The following FUT8 variants were observed in gnomAD, a reference collection of about 807,000 sequenced individuals.
FUT8 encodes alpha-(1,6)-fucosyltransferase.
A neutral mutation model predicts 71.3 loss-of-function variants in FUT8; 29 were observed. The ratio of observed to expected loss-of-function variants is 0.41; its 90% CI spans 0.30 to 0.55. The LOEUF (loss-of-function observed/expected upper bound fraction) is 0.55. Among genes scored for constraint, FUT8 ranks in the 20% least tolerant of loss-of-function variants. The probability of loss-of-function intolerance (pLI) is 0.34; values close to 1 mark genes in which losing one functional copy is unlikely to be tolerated. For missense variants in FUT8, 544 were observed against 702.1 expected (o/e 0.77, Z 2.55); for synonymous variants, 254 against 239.3 (o/e 1.06, Z -0.57).
intron 3 of FUT8, among the ~76,000 whole-genome samples, chr14:65,579,677 T>G (rs1886970626): frequency 6.6e-6 from 1 of 152,152 alleles, no homozygotes; most frequent in Admixed American, 6.5e-5. Flanking sequence ...TAATGCCATA[T>G]GGAGTAGAAA....
intron 2 of FUT8, among the ~76,000 whole-genome samples, chr14:65,515,087 C>T (rs1310003486): frequency 6.6e-6 from 1 of 152,122 alleles, no homozygotes; most frequent in East Asian, 1.9e-4. Flanking sequence ...ATCAGTAATA[C>T]ACACTTTATG....
At chr14:65,456,506 A>T (rs571885211) in intron 2 of FUT8, among the ~76,000 whole-genome samples, 1 of 152,294 alleles carries the variant, frequency 6.6e-6, no homozygotes, top group African/African-American at 2.4e-5. Context: ...GTTTATGGAT[A>T]TTTAGGCTGT....
At chr14:65,706,184 C>T (rs911954831) in intron 7 of FUT8, among the ~76,000 whole-genome samples, 3 of 152,082 alleles carry the variant, frequency 2.0e-5, no homozygotes, top group African/African-American at 7.2e-5. Flanking sequence ...ATGCCATTTT[C>T]CAGATGAAGA....
intron 2 of FUT8, among the ~76,000 whole-genome samples, chr14:65,559,523 A>T (rs754758310): frequency 5.3e-5 from 8 of 152,166 alleles, no homozygotes; most frequent in Non-Finnish European, 8.8e-5. Context: ...CTGAGAGACA[A>T]CTGTATATCT....
the FUT8 span, among the ~76,000 whole-genome samples, chr14:65,375,746 G>C: frequency 1.3e-5 from 2 of 152,224 alleles, no homozygotes; most frequent in Non-Finnish European, 2.9e-5. Flanking sequence ...ACTGATGTTT[G>C]TCAGACATTG....
At chr14:65,480,958 A>G (rs2066321523) in intron 2 of FUT8, among the ~76,000 whole-genome samples, 1 of 152,102 alleles carries the variant, frequency 6.6e-6, no homozygotes, top group South Asian at 2.1e-4. Context: ...CCAAAGTGCT[A>G]GAATTATAGG....
intron 2 of FUT8, among the ~76,000 whole-genome samples, chr14:65,502,864 A>G (rs928200522): frequency 5.9e-5 from 9 of 152,168 alleles, no homozygotes; most frequent in Non-Finnish European, 1.0e-4. Context: ...TTCTGATTCA[A>G]TATGTCCCTG....
chr14:65,477,662 G>A (rs2066266794), intron 2 of FUT8, among the ~76,000 whole-genome samples: 1 of 152,070 alleles, frequency 6.6e-6, no homozygotes, highest in South Asian at 2.1e-4. Context: ...TAGTACAGAG[G>A]AAATAAGCTG....
the FUT8 span, among the ~76,000 whole-genome samples, chr14:65,377,554 A>G: frequency 1.3e-5 from 2 of 152,208 alleles, no homozygotes; most frequent in African/African-American, 4.8e-5. Flanking sequence ...GTCACCATCC[A>G]CAGACATTGG....
At chr14:65,714,724 C>A (rs1040656780) in intron 7 of FUT8, among the ~76,000 whole-genome samples, 1 of 151,950 alleles carries the variant, frequency 6.6e-6, no homozygotes, top group Non-Finnish European at 1.5e-5. Flanking sequence ...ACATGGAATA[C>A]CTTTCCTTTT....
At chr14:65,553,644 C>G (rs1436929617) in intron 2 of FUT8, among the ~76,000 whole-genome samples, 2 of 150,596 alleles carry the variant, frequency 1.3e-5, no homozygotes, top group Non-Finnish European at 3.0e-5. Flanking sequence ...TTGATTTTGC[C>G]TTTATTTGCC....
chr14:65,661,808 CT>C (rs1226109999), intron 6 of FUT8, among the ~76,000 whole-genome samples: 3 of 152,052 alleles, frequency 2.0e-5, no homozygotes, highest in African/African-American at 4.8e-5. Flanking sequence ...GAAAATTGTT[CT>C]TTTTTTGCAA....
intron 2 of FUT8, among the ~76,000 whole-genome samples, chr14:65,498,996 A>G (rs1185861015): frequency 1.3e-5 from 2 of 152,206 alleles, no homozygotes; most frequent in African/African-American, 4.8e-5. Flanking sequence ...TGTAGGGATG[A>G]ATTAAGGAGG....
intron 2 of FUT8, among the ~76,000 whole-genome samples, chr14:65,519,091 G>A (rs1229336557): frequency 1.3e-5 from 2 of 152,170 alleles, no homozygotes; most frequent in Admixed American, 6.6e-5. Context: ...TGAATGGCAT[G>A]TAATAGGCGC....
At chr14:65,731,246 G>A (rs2139382203) in intron 9 of FUT8, among the ~76,000 whole-genome samples, 1 of 152,340 alleles carries the variant, frequency 6.6e-6, no homozygotes, top group East Asian at 1.9e-4. Flanking sequence ...GTCTCCTGAA[G>A]GAGTTTATGT....
In FUT8 at chr14:65,574,026, G is replaced by T. The variant is rs1259302585; in HGVS notation, c.203+12260G>T. On this transcript the variant is annotated intron_variant, in intron 3 of 10. Coordinates refer to ENST00000673929, the MANE Select transcript of FUT8 (RefSeq NM_001371533.1). The surrounding 1 kb of genome is among the most constrained non-coding windows in gnomAD (Gnocchi z 5.2). ...CACAAAGGTACAAAAGGTGTTGACT[G>T]GGTCTGCAGTTTATTTCAAGGCTCA... Among the ~76,000 whole-genome samples, 1 of 152,118 alleles carries T rather than the reference G, an allele frequency of 6.6e-6. No homozygotes were observed. Among genetic ancestry groups the T allele is most frequent in the East Asian group, 1.9e-4 (1 of 5,196 alleles).
At chr14:65,440,744 C>T (rs1162018826) in intron 1 of FUT8, among the ~76,000 whole-genome samples, 1 of 151,834 alleles carries the variant, frequency 6.6e-6, no homozygotes, top group Non-Finnish European at 1.5e-5. Context: ...AAATTTGAGA[C>T]ATCTATAGTT....
chr14:65,674,192 A>G (rs757659361), intron 7 of FUT8, among the ~76,000 whole-genome samples: 6 of 152,194 alleles, frequency 3.9e-5, no homozygotes, highest in Non-Finnish European at 7.4e-5. Flanking sequence ...TGATAATTGT[A>G]TTAATAGAAA....
chr14:65,571,372 T>G lies in FUT8; in HGVS notation c.203+9606T>G, dbSNP rs1886468226. The stretch of plus-strand genomic sequence containing the variant: ...TGGGAATCATGCACATAGCAGTGAT[T>G]GCCAGAAAATGTGTGGCACAAAGTA... On this transcript the variant is annotated intron_variant, in intron 3 of 10. Coordinates refer to ENST00000673929, the MANE Select transcript of FUT8 (RefSeq NM_001371533.1). Among the ~76,000 whole-genome samples, 4 of 152,158 alleles carry G rather than the reference T, an allele frequency of 2.6e-5. No individual in the cohort carries two copies. The South Asian group carries it at 6.2e-4, about 24-fold the overall frequency.
Sources: gnomAD v4.1 joint callset for allele counts (sites outside exome capture counted in the v4.1 genomes callset) on GRCh38, gnomAD v4.1.1 for gene constraint, Gnocchi (gnomAD v3.1) non-coding constraint, MANE v1.5 for transcripts, NCBI Gene and HGNC (gene_info 2026-07-23, HGNC 2026-07-21) for gene names.